The following FRYL variants were observed in gnomAD, a reference collection of about 807,000 sequenced individuals.
FRYL encodes the protein protein furry homolog-like.
FRYL carries 150 observed loss-of-function variants against 351.2 expected under a neutral mutation model. The observed-to-expected ratio is 0.43, with a 90% CI of 0.37 to 0.49. The LOEUF is 0.49. FRYL is among the 20% of genes least tolerant of loss of function. FRYL has a pLI of 0.00. For synonymous variants in FRYL, 1,153 were observed against 1,257.1 expected (o/e 0.92, Z 1.75); for missense variants, 3,036 against 3,619.3 (o/e 0.84, Z 4.13).
chr4:48,497,696 A>T lies in FRYL; in HGVS notation c.*1726T>A, dbSNP rs1718728687. ...ATCCCTCTCTGCCTGCCCCACACCC[A>T]AAAGTTTTAAATAATTTAAAGGATA... On this transcript the variant is annotated 3_prime_UTR_variant, in exon 64 of 64. Coordinates refer to ENST00000358350, the MANE Select transcript of FRYL (RefSeq NM_015030.2). 6.6e-6 allele frequency: 1 copy of T among 152,626 alleles called. No homozygotes were observed. The highest frequency in any genetic ancestry group is 2.1e-4 in the South Asian group (1 of 4,828). 9.5% of individuals were successfully genotyped at this position (152,626 alleles called of 1,614,324 possible).
intron 7 of FRYL, among the ~76,000 whole-genome samples, chr4:48,615,689 A>C (rs1420037143): frequency 6.6e-6 from 1 of 152,230 alleles, no homozygotes; most frequent in Non-Finnish European, 1.5e-5. Context: ...GGTGAATCCC[A>C]CTACTTAATT....
At chr4:48,715,633 C>T (rs1475372023) in intron 1 of FRYL, among the ~76,000 whole-genome samples, 1 of 151,734 alleles carries the variant, frequency 6.6e-6, no homozygotes, top group African/African-American at 2.4e-5. Context: ...AGGATACAAA[C>T]AAATGGAAGA....
At chr4:48,746,094 G>A (rs1487418850) in intron 1 of FRYL, among the ~76,000 whole-genome samples, 1 of 152,178 alleles carries the variant, frequency 6.6e-6, no homozygotes, top group East Asian at 1.9e-4. Flanking sequence ...ACTGAGGAAT[G>A]TTTCAAATCA....
At chr4:48,589,685 C>T in intron 18 of FRYL, 60 bp downstream of exon 18, 2 of 1,527,182 alleles carry the variant, frequency 1.3e-6, no homozygotes, top group Non-Finnish European at 1.8e-6. Flanking sequence ...TAAGCAAGAA[C>T]CATCCACACT....
chr4:48,705,562 A>AC (rs1450603860), intron 2 of FRYL, among the ~76,000 whole-genome samples: 2 of 151,670 alleles, frequency 1.3e-5, no homozygotes, highest in Non-Finnish European at 2.9e-5. Flanking sequence ...TTTCTTAAAA[A>AC]AAAAAAAACA....
rs780814749 is a variant in FRYL, at chr4:48,521,398, C to T, written c.7522-183G>A. Among the ~76,000 whole-genome samples the T allele has an allele frequency of 4.8e-4, 73 of 152,132 alleles. 1 individual carries two copies. Among genetic ancestry groups the T allele is most frequent in the Non-Finnish European group, 8.7e-4 (59 of 68,024 alleles). ...TTGTTAGGGTAAGCAGCTAATCCCT[C>T]GGTAGAACTAAGTACACATTAATAC... On this transcript the variant is annotated intron_variant, in intron 54 of 63. Coordinates refer to ENST00000358350, the MANE Select transcript of FRYL (RefSeq NM_015030.2).
chr4:48,705,844 C>CT lies in FRYL; in HGVS notation c.-204+4674dup, dbSNP rs1010281001. On this transcript the variant is annotated intron_variant, in intron 2 of 63. Transcript: ENST00000358350. ...CCCTTAAGTATTCACTATTCACCTC[C>CT]TTTTTTTTTTGACACAGAGTGTCAC... Among the ~76,000 whole-genome samples, 762 of 148,754 alleles carry CT rather than the reference C, an allele frequency of 5.1e-3. 2 individuals are homozygous for CT. Among genetic ancestry groups the CT allele is most frequent in the African/African-American group, 0.014 (552 of 40,854 alleles).
At chr4:48,739,059 A>T (rs183753345) in intron 1 of FRYL, among the ~76,000 whole-genome samples, 1 of 152,316 alleles carries the variant, frequency 6.6e-6, no homozygotes, top group African/African-American at 2.4e-5. Flanking sequence ...AAGAACAGAT[A>T]AACAGATCAA....
At chr4:48,515,415 T>A in intron 55 of FRYL, 140 bp from the exon 56 acceptor site, 1 of 641,098 alleles carries the variant, frequency 1.6e-6, no homozygotes, top group Non-Finnish European at 2.6e-6. Context: ...CAGGCTGGAG[T>A]GGAGTGCAAT....
intron 3 of FRYL, among the ~76,000 whole-genome samples, chr4:48,662,301 T>C (rs1760896336): frequency 6.6e-6 from 1 of 152,008 alleles, no homozygotes; most frequent in Admixed American, 6.6e-5. Context: ...AATTAGGACC[T>C]GTAGCCCTAG....
intron 9 of FRYL, 119 bp downstream of exon 9, chr4:48,608,868 A>G: frequency 1.5e-6 from 1 of 688,920 alleles, no homozygotes; most frequent in Non-Finnish European, 2.6e-6. Flanking sequence ...TAAAAGGTGG[A>G]GCTGACTTAG....
At chr4:48,554,391 T>C (rs1248724354) in intron 35 of FRYL, among the ~76,000 whole-genome samples, 1 of 151,830 alleles carries the variant, frequency 6.6e-6, no homozygotes, top group Non-Finnish European at 1.5e-5. Context: ...CAGGCTAGAG[T>C]GCAGTGGCAC....
At chr4:48,506,696 A>G (rs1160625106) in intron 59 of FRYL, 2 of 136,788 alleles carry the variant, frequency 1.5e-5, no homozygotes, top group Non-Finnish European at 3.1e-5. Context: ...TGAGAAACAG[A>G]CTAGCTGCAT....
chr4:48,679,271 A>G (rs1202847551), intron 3 of FRYL, among the ~76,000 whole-genome samples: 2 of 152,142 alleles, frequency 1.3e-5, no homozygotes, highest in African/African-American at 4.8e-5. Flanking sequence ...TACACACTAG[A>G]CATCAATATA....
intron 22 of FRYL, among the ~76,000 whole-genome samples, chr4:48,579,954 T>C (rs1316128804): frequency 6.6e-6 from 1 of 152,066 alleles, no homozygotes; most frequent in Non-Finnish European, 1.5e-5. Flanking sequence ...AATATAGACA[T>C]GTATGGAAAC....
Position 48,678,042 on chromosome 4 carries a change from C to T in FRYL, c.-81+6631G>A, listed in dbSNP as rs914994146. 4.6e-5 allele frequency among the ~76,000 whole-genome samples: 7 copies of T among 152,184 alleles called. 3 individuals carry two copies. ...AACCTATGTGTACATTGGTATGAACCGTCATATTTACAATTTGTATATGCA... is the reference window on the plus strand; with the variant it reads ...AACCTATGTGTACATTGGTATGAACTGTCATATTTACAATTTGTATATGCA... On this transcript the variant is annotated intron_variant, in intron 3 of 63. Coordinates refer to ENST00000358350, the MANE Select transcript of FRYL (RefSeq NM_015030.2).
chr4:48,758,558 G>T (rs1164927089), intron 1 of FRYL, among the ~76,000 whole-genome samples: 2 of 152,138 alleles, frequency 1.3e-5, no homozygotes, highest in South Asian at 4.1e-4. Flanking sequence ...TTAGAATGGC[G>T]ATCACTAAAA....
chr4:48,690,990 T>C (rs1469745037), intron 2 of FRYL, among the ~76,000 whole-genome samples: 4 of 152,216 alleles, frequency 2.6e-5, no homozygotes, highest in Admixed American at 1.3e-4. Context: ...TTCCTCTTTT[T>C]CTCTGTGTTC....
At chr4:48,754,368 C>T (rs565140792) in intron 1 of FRYL, among the ~76,000 whole-genome samples, 11 of 152,186 alleles carry the variant, frequency 7.2e-5, no homozygotes, top group Non-Finnish European at 1.2e-4. Flanking sequence ...TACCATATTT[C>T]GGTTATTCAT....
Sources: allele counts gnomAD v4.1 joint callset (sites outside exome capture counted in the v4.1 genomes callset), GRCh38; gene constraint gnomAD v4.1.1; transcripts MANE v1.5; gene names NCBI Gene and HGNC (gene_info 2026-07-23, HGNC 2026-07-21).